Variants in KMT2E observed in about 807,000 individuals in gnomAD.
KMT2E encodes lysine methyltransferase 2E (inactive).
KMT2E carries 30 observed loss-of-function variants against 184.6 expected under a neutral mutation model. That is an observed-to-expected ratio of 0.16 (90% CI 0.12 to 0.22). KMT2E has a LOEUF of 0.22. Ranked by LOEUF, KMT2E falls within the 10% of genes least tolerant of loss-of-function variation. KMT2E has a pLI of 1.00. For missense variants in KMT2E, 2,023 were observed against 2,237.4 expected (o/e 0.90, Z 1.93); for synonymous variants, 815 against 776.5 (o/e 1.05, Z -0.82).
rs745979423 is a variant in KMT2E, at chr7:105,112,715, A to G, written c.4959A>G (p.Ala1653=). 1.2e-6 allele frequency: 2 copies of G among 1,613,680 alleles called. No homozygotes were observed. Among genetic ancestry groups the G allele is most frequent in the Non-Finnish European group, 8.5e-7 (1 of 1,179,906 alleles). ...ATTCCCATCAGCAACACTCTGTAGC[A>G]CATGTAGTAGGGCCTGTTCATGCGG... ...QPNSHQQHSV[A]HVVGPVHAVT... Residue 1653 remains alanine, a synonymous_variant, in exon 27 of 27, where the codon GCA becomes GCG. Coordinates refer to ENST00000311117, the MANE Select transcript of KMT2E (RefSeq NM_182931.3).
At chr7:105,103,517 T>C (rs1314930179) in intron 17 of KMT2E, 1 of 152,150 alleles carries the variant, frequency 6.6e-6, no homozygotes, top group Non-Finnish European at 1.5e-5. Context: ...CAACCCTTCT[T>C]TTACAGATAA....
At chr7:105,059,978 G>GTTGTTTTTTTT (rs1796734822) in intron 3 of KMT2E, among the ~76,000 whole-genome samples, 8 of 51,764 alleles carry the variant, frequency 1.5e-4, no homozygotes, top group African/African-American at 4.7e-4. Flanking sequence ...TCTTGTTGTT[G>GTTGTTTTTTTT]TTTTTTTTTT....
chr7:105,105,271 A>G (rs1798850565), intron 17 of KMT2E, 168 bp from the exon 18 acceptor site: 3 of 459,510 alleles, frequency 6.5e-6, no homozygotes, highest in Admixed American at 8.3e-5. Flanking sequence ...AACAGTAGAT[A>G]ACTAAGAAAT....
At chr7:105,076,617 G>A (rs1308132917) in intron 9 of KMT2E, among the ~76,000 whole-genome samples, 2 of 152,136 alleles carry the variant, frequency 1.3e-5, no homozygotes, top group Non-Finnish European at 2.9e-5. Context: ...GAGGCTCCTC[G>A]CCTCTGTCTG....
chr7:105,033,716 G>C (rs1795519918), intron 1 of KMT2E, among the ~76,000 whole-genome samples: 1 of 152,106 alleles, frequency 6.6e-6, no homozygotes. Context: ...AGCCAGGGTG[G>C]TCTCGATCTC....
At chr7:105,036,643 G>C (rs1371632155) in intron 1 of KMT2E, among the ~76,000 whole-genome samples, 2 of 152,196 alleles carry the variant, frequency 1.3e-5, no homozygotes, top group Non-Finnish European at 2.9e-5. Flanking sequence ...TTATTGTGGA[G>C]ATTAAGCATT....
intron 6 of KMT2E, among the ~76,000 whole-genome samples, chr7:105,069,578 T>G (rs531751439): frequency 6.6e-6 from 1 of 152,234 alleles, no homozygotes. Flanking sequence ...TACACACTTA[T>G]GTTGTTTAGG....
rs925692940 is a variant in KMT2E at position 105,051,078 on chromosome 7, C to CT, written c.71+10057dup. Among the ~76,000 whole-genome samples, 111 of 146,220 alleles carry CT rather than the reference C, an allele frequency of 7.6e-4. 1 individual carries two copies. The highest frequency in any genetic ancestry group is 7.0e-3 in the Middle Eastern group (2 of 284). Reference sequence around the variant, plus strand: ...CTTTCCTTTTCTTTCTTTCTTTCTTCTTCTTTCTTTCTTTTTTCTCTCTCT... The same window carrying CT: ...CTTTCCTTTTCTTTCTTTCTTTCTTCTTTCTTTCTTTCTTTTTTCTCTCTCT... On this transcript the variant is annotated intron_variant, in intron 3 of 26. Coordinates refer to ENST00000311117, the MANE Select transcript of KMT2E (RefSeq NM_182931.3).
At chr7:105,083,745 T>A (rs1797849993) in intron 13 of KMT2E, among the ~76,000 whole-genome samples, 1 of 152,200 alleles carries the variant, frequency 6.6e-6, no homozygotes, top group African/African-American at 2.4e-5. Flanking sequence ...GACATTTGTG[T>A]CTGCATTAAA....
intron 13 of KMT2E, among the ~76,000 whole-genome samples, chr7:105,083,783 C>G (rs1420525579): frequency 6.6e-6 from 1 of 152,146 alleles, no homozygotes; most frequent in African/African-American, 2.4e-5. Context: ...ACTCTTTCTC[C>G]TCAGTGATTT....
intron 6 of KMT2E, among the ~76,000 whole-genome samples, chr7:105,071,055 A>T (rs1291436129): frequency 1.3e-5 from 2 of 152,158 alleles, no homozygotes; most frequent in African/African-American, 4.8e-5. Flanking sequence ...GTATCTATAT[A>T]TTTGTATTTC....
rs1240549601 is a variant in KMT2E, at chr7:105,109,199, T to C, written c.3726T>C (p.Ala1242=). 3.7e-6 allele frequency: 6 copies of C among 1,614,008 alleles called. No individual in the cohort carries two copies. The highest frequency in any genetic ancestry group is 5.1e-6 in the Non-Finnish European group (6 of 1,179,946). ...SNNCPVKDAT[A]SEKNEPEVQW... is the part of the protein sequence containing the mutation. ...ACTGCCCTGTTAAGGATGCTACTGC[T>C]AGTGAGAAGAATGAACCAGAAGTTC... Residue 1242 remains alanine (A), a synonymous_variant, in exon 23 of 27, where the codon GCT becomes GCC. Coordinates refer to ENST00000311117, the MANE Select transcript of KMT2E (RefSeq NM_182931.3).
chr7:105,062,126 A>G (rs1348648254), intron 3 of KMT2E, 38 bp from the exon 4 acceptor site: 5 of 1,284,760 alleles, frequency 3.9e-6, no homozygotes, highest in Non-Finnish European at 5.6e-6. Flanking sequence ...GGAAAAAAAA[A>G]GAATGGAATT....
intron 12 of KMT2E, among the ~76,000 whole-genome samples, chr7:105,080,076 T>G (rs1797698425): frequency 1.3e-5 from 2 of 151,458 alleles, no homozygotes; most frequent in South Asian, 4.2e-4. Flanking sequence ...GGAGCTCCTG[T>G]GTTCAAGCAA....
At chr7:105,044,599 T>C (rs1354899889) in intron 3 of KMT2E, among the ~76,000 whole-genome samples, 1 of 152,172 alleles carries the variant, frequency 6.6e-6, no homozygotes, top group Non-Finnish European at 1.5e-5. Context: ...TTGGATTATC[T>C]GCTCTATAAA....
rs372308671 is a variant in KMT2E at position 105,052,386 on chromosome 7, C to G, written c.72-9778C>G. ...AGTATCTGAAATACTTGTTTTATTT[C>G]ATTGCTGCCGTGCTTTATATTTTTA... On this transcript the variant is annotated intron_variant, in intron 3 of 26. Coordinates refer to ENST00000311117, the MANE Select transcript of KMT2E (RefSeq NM_182931.3). Among the ~76,000 whole-genome samples, 3 of 152,218 alleles carry G rather than the reference C, an allele frequency of 2.0e-5. No homozygotes were observed. The East Asian group carries it at 5.8e-4, about 29-fold the overall frequency.
chr7:105,023,100 A>T (rs896160393), intron 1 of KMT2E, among the ~76,000 whole-genome samples: 1 of 152,150 alleles, frequency 6.6e-6, no homozygotes, highest in South Asian at 2.1e-4. Context: ...CTATTGCTAA[A>T]TGAGTCTTGA....
chr7:105,089,325 C>T (rs558106524), intron 13 of KMT2E: 200 of 383,818 alleles, frequency 5.2e-4, no homozygotes, highest in African/African-American at 4.2e-3. Context: ...TAGCCTATCG[C>T]GTAGCCAGGA....
intron 1 of KMT2E, among the ~76,000 whole-genome samples, chr7:105,022,561 TG>T (rs1156617646): frequency 1.3e-5 from 2 of 152,192 alleles, no homozygotes; most frequent in Admixed American, 6.5e-5. Context: ...GTATAGTTGA[TG>T]TTTTTTTGAC....
Sources: gnomAD v4.1 joint callset for allele counts (sites outside exome capture counted in the v4.1 genomes callset) on GRCh38, gnomAD v4.1.1 for gene constraint, MANE v1.5 for transcripts, NCBI Gene and HGNC (gene_info 2026-07-23, HGNC 2026-07-21) for gene names.